Variants in COL19A1 observed in about 807,000 individuals in gnomAD.
COL19A1 encodes collagen type XIX alpha 1 chain.
Under a neutral mutation model 190.2 loss-of-function variants are expected in COL19A1, and 159 were observed. That is an observed-to-expected ratio of 0.84 (90% CI 0.73 to 0.95). COL19A1 has a LOEUF of 0.95. Ranked by LOEUF, COL19A1 falls within the 40% of genes least tolerant of loss-of-function variation. COL19A1 has a pLI of 0.00. For synonymous variants in COL19A1, 509 were observed against 458.9 expected (o/e 1.11, Z -1.39); for missense variants, 1,418 against 1,431.9 (o/e 0.99, Z 0.16).
chr6:69,890,248 A>C (rs191840712), intron 2 of COL19A1: 1 of 152,172 alleles, frequency 6.6e-6, no homozygotes, highest in Non-Finnish European at 1.5e-5. Context: ...TTTGAATTCC[A>C]TTCCTAACTG....
At chr6:70,102,140 T>G (rs1783669192) in intron 15 of COL19A1, 29 bp from the exon 16 acceptor site, 2 of 1,579,524 alleles carry the variant, frequency 1.3e-6, no homozygotes, top group Non-Finnish European at 1.7e-6. Flanking sequence ...AGTCACAGTA[T>G]TTATCATCTA....
intron 11 of COL19A1, among the ~76,000 whole-genome samples, chr6:70,017,159 A>G (rs1778158083): frequency 6.6e-6 from 1 of 152,184 alleles, no homozygotes; most frequent in Admixed American, 6.6e-5. Context: ...TCAAAAAGAA[A>G]CAAACTACTT....
intron 4 of COL19A1, among the ~76,000 whole-genome samples, chr6:69,926,089 G>A (rs189740847): frequency 6.6e-6 from 1 of 152,050 alleles, no homozygotes; most frequent in Non-Finnish European, 1.5e-5. Context: ...TCTTTCTCCT[G>A]CATGATTGCC....
intron 23 of COL19A1, among the ~76,000 whole-genome samples, chr6:70,143,307 C>A (rs1188300935): frequency 6.6e-6 from 1 of 152,140 alleles, no homozygotes; most frequent in African/African-American, 2.4e-5. Context: ...CGACAGATTG[C>A]ATTATAACCT....
chr6:69,931,024 A>G (rs1405027927), intron 6 of COL19A1, among the ~76,000 whole-genome samples: 1 of 152,172 alleles, frequency 6.6e-6, no homozygotes, highest in Non-Finnish European at 1.5e-5. Context: ...CAAACAAAAT[A>G]CATATTTTTA....
chr6:70,162,010 G>A, intron 35 of COL19A1, 57 bp downstream of exon 35: 2 of 1,472,488 alleles, frequency 1.4e-6, no homozygotes, highest in East Asian at 2.4e-5. Context: ...TTTGATGCAA[G>A]GTGAATTAAT....
chr6:70,103,415 G>A (rs1469013963), intron 16 of COL19A1, among the ~76,000 whole-genome samples: 4 of 152,090 alleles, frequency 2.6e-5, no homozygotes, highest in South Asian at 2.1e-4. Flanking sequence ...GGTGGGCTTG[G>A]ATGGCTTAAA....
chr6:70,209,347 T>A lies in COL19A1; in HGVS notation c.*2073T>A, dbSNP rs554518300. ...GTTTATCTTTTTGCCTGTTTGCTAA[T>A]TTAAAAATATTTATTTTATCATTTT... On this transcript the variant is annotated 3_prime_UTR_variant, in exon 51 of 51. Coordinates refer to ENST00000620364, the MANE Select transcript of COL19A1 (RefSeq NM_001858.6). The A allele has an allele frequency of 3.3e-5, 5 of 152,596 alleles. No individual in the cohort carries two copies. Among genetic ancestry groups the A allele is most frequent in the African/African-American group, 1.2e-4 (5 of 41,580 alleles). 9.5% of individuals were successfully genotyped at this position (152,596 alleles called of 1,614,324 possible).
At chr6:70,085,461 C>T (rs972628945) in intron 15 of COL19A1, among the ~76,000 whole-genome samples, 3 of 152,186 alleles carry the variant, frequency 2.0e-5, no homozygotes, top group Admixed American at 2.0e-4. Flanking sequence ...AATAAATAAA[C>T]TTTTACTACA....
chr6:69,897,896 T>C (rs1170136764), intron 2 of COL19A1, among the ~76,000 whole-genome samples: 2 of 152,172 alleles, frequency 1.3e-5, no homozygotes, highest in African/African-American at 2.4e-5. Context: ...TTCTTATTTT[T>C]AAATTTGATT....
Position 70,146,701 on chromosome 6 carries a change from A to G in COL19A1, c.1813A>G (p.Lys605Glu). ...TGGAGCACCTGGTCCACGTGGGCCA[A>G]AGGTATACAAATATTATAGTTAATT... Reference protein sequence around the residue: ...NPGAPGPRGPKGERGLPGVHG... With the variant: ...NPGAPGPRGPEGERGLPGVHG... The change falls in exon 26 of 51, where the codon AAG becomes GAG. Residue 605 changes from lysine (K) to glutamate (E), a missense_variant and splice_region_variant. Transcript: ENST00000620364. The G allele has an allele frequency of 1.9e-6, 3 of 1,604,878 alleles. No individual in the cohort carries two copies. Among genetic ancestry groups the G allele is most frequent in the Non-Finnish European group, 2.5e-6 (3 of 1,176,692 alleles).
At chr6:70,173,395 G>A (rs1005263982) in intron 41 of COL19A1, among the ~76,000 whole-genome samples, 4 of 152,182 alleles carry the variant, frequency 2.6e-5, no homozygotes, top group Non-Finnish European at 4.4e-5. Context: ...AGGCCCTCCA[G>A]TATTAGGAGA....
At chr6:69,886,847 C>G (rs1463768461) in intron 2 of COL19A1, among the ~76,000 whole-genome samples, 2 of 152,168 alleles carry the variant, frequency 1.3e-5, no homozygotes, top group Non-Finnish European at 2.9e-5. Flanking sequence ...CTTGTGATAG[C>G]TATTTCCACT....
At chr6:70,187,928 A>T in intron 46 of COL19A1, 147 bp from the exon 47 acceptor site, 1 of 877,510 alleles carries the variant, frequency 1.1e-6, no homozygotes, top group Non-Finnish European at 1.7e-6. Flanking sequence ...CCCACTTTGT[A>T]GGAGAGGAGG....
At chr6:70,173,847 T>C (rs1309546778) in intron 41 of COL19A1, among the ~76,000 whole-genome samples, 2 of 152,156 alleles carry the variant, frequency 1.3e-5, no homozygotes, top group African/African-American at 4.8e-5. Flanking sequence ...AATATCAGAC[T>C]GCTTATATGC....
chr6:69,977,542 C>T (rs1775791769), intron 11 of COL19A1, among the ~76,000 whole-genome samples: 1 of 150,546 alleles, frequency 6.6e-6, no homozygotes, highest in African/African-American at 2.4e-5. Context: ...GCACATTGTG[C>T]ACATGTACCC....
At chr6:69,892,850 C>T (rs1561969662) in intron 2 of COL19A1, among the ~76,000 whole-genome samples, 1 of 152,154 alleles carries the variant, frequency 6.6e-6, no homozygotes, top group African/African-American at 2.4e-5. Flanking sequence ...CAGTCTAAGC[C>T]TTGGTAAAAC....
In COL19A1 at chr6:70,142,069, G is replaced by T. The variant is rs750042587; in HGVS notation, c.1565G>T (p.Gly522Val). 12 of 1,611,666 alleles carry T rather than the reference G, an allele frequency of 7.4e-6. No individual in the cohort carries two copies. The highest frequency in any genetic ancestry group is 1.3e-5 in the African/African-American group (1 of 74,794). Residue 522 changes from glycine to valine, a missense_variant, in exon 22 of 51, where the codon GGA becomes GTA. Coordinates refer to ENST00000620364, the MANE Select transcript of COL19A1 (RefSeq NM_001858.6). Reference protein sequence around the residue: ...PGPPGLIGSPGLKGQQGSAGS... With the variant: ...PGPPGLIGSPVLKGQQGSAGS... The stretch of plus-strand genomic sequence containing the variant: ...CCCCCTGGTTTAATAGGAAGCCCAG[G>T]ACTAAAGGTATATAAGAAATAACTA...
chr6:70,188,522 G>A (rs1766665776), intron 47 of COL19A1, among the ~76,000 whole-genome samples: 1 of 152,162 alleles, frequency 6.6e-6, no homozygotes, highest in African/African-American at 2.4e-5. Context: ...ACTTGCCCAA[G>A]GTCACAGATT....
Sources: gnomAD v4.1 joint callset for allele counts (sites outside exome capture counted in the v4.1 genomes callset) on GRCh38, gnomAD v4.1.1 for gene constraint, MANE v1.5 for transcripts, NCBI Gene and HGNC (gene_info 2026-07-23, HGNC 2026-07-21) for gene names.